Variants in CTNNA3 observed in about 807,000 individuals in gnomAD.
CTNNA3 encodes catenin alpha-3.
CTNNA3 carries 76 observed loss-of-function variants against 95.7 expected under a neutral mutation model. The observed-to-expected ratio is 0.79, with a 90% CI of 0.66 to 0.96. The LOEUF (loss-of-function observed/expected upper bound fraction) is 0.96, where lower values mean the gene tolerates loss of function less well. Among genes scored for constraint, CTNNA3 ranks in the 40% least tolerant of loss-of-function variants. The pLI is 0.00. For synonymous variants in CTNNA3, 431 were observed against 374.4 expected, an observed-to-expected ratio of 1.15 and a Z score of -1.74; for missense variants, 1,191 against 1,089.8, an observed-to-expected ratio of 1.09 and a Z score of -1.31.
chr10:67,032,010 T>A (rs1181648812), intron 7 of CTNNA3, among the ~76,000 whole-genome samples: 1 of 152,192 alleles, frequency 6.6e-6, no homozygotes, highest in Non-Finnish European at 1.5e-5. Flanking sequence ...GTATATAAAA[T>A]GGTTTATGGC....
intron 3 of CTNNA3, among the ~76,000 whole-genome samples, chr10:67,561,982 T>C (rs1841529350): frequency 1.3e-5 from 2 of 152,128 alleles, no homozygotes; most frequent in South Asian, 2.1e-4. Flanking sequence ...GGATCTGAAA[T>C]TGTGGCAATA....
At chr10:66,607,472 CAA>C (rs574854850) in intron 10 of CTNNA3, among the ~76,000 whole-genome samples, 3 of 45,286 alleles carry the variant, frequency 6.6e-5, no homozygotes, top group African/African-American at 2.0e-4. Context: ...CAGAGACAAC[CAA>C]AAAAAAAAAA....
chr10:67,249,385 T>C (rs952773123), intron 5 of CTNNA3, among the ~76,000 whole-genome samples: 2 of 152,188 alleles, frequency 1.3e-5, no homozygotes, highest in African/African-American at 2.4e-5. Flanking sequence ...GTTCTTAACA[T>C]AAAATGGCAT....
At chr10:65,961,912 C>T (rs542055805) in intron 17 of CTNNA3, among the ~76,000 whole-genome samples, 6 of 152,106 alleles carry the variant, frequency 3.9e-5, no homozygotes, top group East Asian at 1.9e-4. Flanking sequence ...TTGATAATAA[C>T]GAGAGCCGGA....
At chr10:67,746,083 T>G (rs1019775326) in intron 1 of CTNNA3, among the ~76,000 whole-genome samples, 2 of 151,928 alleles carry the variant, frequency 1.3e-5, no homozygotes, top group African/African-American at 2.4e-5. Flanking sequence ...ATTCAAAAAT[T>G]TACATGGAAA....
intron 1 of CTNNA3, among the ~76,000 whole-genome samples, chr10:67,691,492 T>A (rs1368154512): frequency 6.6e-6 from 1 of 150,584 alleles, no homozygotes; most frequent in East Asian, 2.0e-4. Context: ...GTGAGGAGCG[T>A]CTCTGCCCGG....
At chr10:66,783,968 G>A (rs1840640636) in intron 7 of CTNNA3, among the ~76,000 whole-genome samples, 1 of 152,068 alleles carries the variant, frequency 6.6e-6, no homozygotes, top group East Asian at 1.9e-4. Flanking sequence ...TTGAATAATA[G>A]ACTGTCAAAG....
At chr10:66,210,650 A>C (rs2131947876) in intron 13 of CTNNA3, among the ~76,000 whole-genome samples, 1 of 152,316 alleles carries the variant, frequency 6.6e-6, no homozygotes, top group Non-Finnish European at 1.5e-5. Context: ...CGTACCACTT[A>C]AAATTGCATT....
chr10:66,488,804 C>T (rs1441344201), intron 11 of CTNNA3, among the ~76,000 whole-genome samples: 1 of 151,568 alleles, frequency 6.6e-6, no homozygotes, highest in Non-Finnish European at 1.5e-5. Flanking sequence ...GATCATGCCT[C>T]TCCAAAAAAG....
At chr10:66,124,792 G>A (rs985292368) in intron 13 of CTNNA3, among the ~76,000 whole-genome samples, 3 of 152,136 alleles carry the variant, frequency 2.0e-5, no homozygotes, top group Non-Finnish European at 2.9e-5. Flanking sequence ...GATCTCATGA[G>A]ACTCATTCAC....
intron 7 of CTNNA3, among the ~76,000 whole-genome samples, chr10:67,101,956 C>T (rs1008933120): frequency 9.7e-6 from 1 of 102,912 alleles, no homozygotes; most frequent in African/African-American, 5.4e-5. Context: ...TCAGAGCATG[C>T]GAAAGAAGAA....
At chr10:66,574,787 G>A (rs575820440) in intron 10 of CTNNA3, among the ~76,000 whole-genome samples, 43 of 152,202 alleles carry the variant, frequency 2.8e-4, no homozygotes, top group African/African-American at 9.6e-4. Flanking sequence ...GAAATGCACC[G>A]TATGGGCGCA....
intron 7 of CTNNA3, among the ~76,000 whole-genome samples, chr10:66,842,104 T>C (rs1843085758): frequency 6.6e-6 from 1 of 151,914 alleles, no homozygotes; most frequent in South Asian, 2.1e-4. Context: ...AAATTCGTTT[T>C]TCTTTTTTTC....
intron 12 of CTNNA3, among the ~76,000 whole-genome samples, chr10:66,308,128 C>A (rs2091956833): frequency 2.0e-5 from 3 of 152,116 alleles, no homozygotes; most frequent in Admixed American, 1.3e-4. Context: ...TATAACCCTG[C>A]ATTTTTTGCA....
At chr10:66,704,988 T>A (rs990221031) in intron 9 of CTNNA3, among the ~76,000 whole-genome samples, 1 of 152,154 alleles carries the variant, frequency 6.6e-6, no homozygotes, top group Non-Finnish European at 1.5e-5. Context: ...TTATTCTTGA[T>A]CTTAAAGTAT....
chr10:66,731,828 C>T (rs956654440), intron 9 of CTNNA3, among the ~76,000 whole-genome samples: 5 of 152,090 alleles, frequency 3.3e-5, no homozygotes, highest in African/African-American at 9.7e-5. Flanking sequence ...GTGGAGTTTC[C>T]GGATGACATT....
intron 3 of CTNNA3, among the ~76,000 whole-genome samples, chr10:67,605,666 A>C (rs1208450808): frequency 6.6e-6 from 1 of 152,190 alleles, no homozygotes; most frequent in Non-Finnish European, 1.5e-5. Flanking sequence ...TTAAAAATAA[A>C]TTCACATAAA....
intron 11 of CTNNA3, among the ~76,000 whole-genome samples, chr10:66,385,133 A>G: frequency 6.6e-6 from 1 of 152,222 alleles, no homozygotes; most frequent in East Asian, 1.9e-4. Flanking sequence ...AACCCTTCAA[A>G]AAATCAATGA....
intron 10 of CTNNA3, among the ~76,000 whole-genome samples, chr10:66,564,337 T>C (rs1402257516): frequency 2.0e-5 from 3 of 152,110 alleles, no homozygotes. Context: ...AGATGTACAA[T>C]GGCCAGACTA....
Sources: gnomAD v4.1 joint callset for allele counts (sites outside exome capture counted in the v4.1 genomes callset) on GRCh38, gnomAD v4.1.1 for gene constraint, MANE v1.5 for transcripts, NCBI Gene and HGNC (gene_info 2026-07-23, HGNC 2026-07-21) for gene names.